FAM228B: variants seen among roughly 807,000 people sequenced by gnomAD.
FAM228B encodes family with sequence similarity 228 member B.
Under a neutral mutation model 42.6 loss-of-function variants are expected in FAM228B, and 38 were observed. The ratio of observed to expected loss-of-function variants is 0.89; its 90% confidence interval spans 0.69 to 1.17. FAM228B has a LOEUF of 1.17. FAM228B is among the 50% of genes most tolerant of loss of function. The pLI, the probability that FAM228B is intolerant of heterozygous loss-of-function variation, is 0.00. For synonymous variants in FAM228B, 109 were observed against 122.3 expected (o/e 0.89, Z 0.72); for missense variants, 344 against 367.3 (o/e 0.94, Z 0.52).
chr2:24,116,706 T>G (rs534247851), intron 3 of FAM228B, among the ~76,000 whole-genome samples: 34 of 151,616 alleles, frequency 2.2e-4, no homozygotes, highest in Non-Finnish European at 4.3e-4. Flanking sequence ...AATACAAACA[T>G]TAGCCTGTGT....
chr2:24,115,604 G>A (rs748648855), intron 3 of FAM228B: 1 of 1,611,456 alleles, frequency 6.2e-7, no homozygotes, highest in Non-Finnish European at 8.5e-7. Flanking sequence ...TTTTTCTTAG[G>A]TAGTCTCCTG....
intron 7 of FAM228B, among the ~76,000 whole-genome samples, chr2:24,157,480 A>G (rs764277556): frequency 1.3e-5 from 2 of 151,926 alleles, no homozygotes; most frequent in African/African-American, 4.8e-5. Flanking sequence ...GCTCACATCT[A>G]TAATCCCAGC....
At chr2:24,088,873 G>T (rs1475155963) in intron 2 of FAM228B, among the ~76,000 whole-genome samples, 2 of 152,154 alleles carry the variant, frequency 1.3e-5, no homozygotes, top group Non-Finnish European at 2.9e-5. Context: ...CTAACTCCAG[G>T]TAGAGAGTGT....
At chr2:24,119,954 AT>A (rs1295908200), upstream of FAM228B, among the ~76,000 whole-genome samples, 2 of 152,160 alleles carry the variant, frequency 1.3e-5, no homozygotes, top group African/African-American at 4.8e-5. Context: ...ATTGATTATC[AT>A]ATACCCCATC....
intron 2 of FAM228B, among the ~76,000 whole-genome samples, 155 bp from the exon 3 acceptor site, chr2:24,134,964 C>CA (rs947850916): frequency 1.3e-5 from 2 of 151,708 alleles, no homozygotes; most frequent in East Asian, 1.9e-4. Flanking sequence ...AAGAAACAAA[C>CA]AAAAAAAAGC....
rs770084965 is a variant in FAM228B at position 24,083,068 on chromosome 2, C to A, written c.-210+2113C>A. The A allele has an allele frequency of 8.1e-6, 13 of 1,614,168 alleles. No individual in the cohort carries two copies. The East Asian group carries it at 2.7e-4, about 33-fold the overall frequency. On this transcript the variant is annotated intron_variant, in intron 2 of 10. Coordinates refer to the FAM228B transcript ENST00000613899. ...CCGATCTTCCAGTGTCCCTGGCAGCCAGGCCCCAGCTCTGCCACATGTCCA... is the reference window on the plus strand; with the variant it reads ...CCGATCTTCCAGTGTCCCTGGCAGCAAGGCCCCAGCTCTGCCACATGTCCA...
chr2:24,119,325 G>T (rs1238897961), upstream of FAM228B, among the ~76,000 whole-genome samples: 1 of 152,164 alleles, frequency 6.6e-6, no homozygotes, highest in Non-Finnish European at 1.5e-5. Context: ...GAAACAGTTT[G>T]CTATGAGACA....
intron 2 of FAM228B, among the ~76,000 whole-genome samples, chr2:24,082,618 G>A (rs1051200342): frequency 3.3e-5 from 5 of 152,194 alleles, no homozygotes; most frequent in Non-Finnish European, 5.9e-5. Flanking sequence ...GAGAAGCTCA[G>A]TATGATTCTA....
chr2:24,106,999 G>A (rs1390311286), intron 3 of FAM228B, among the ~76,000 whole-genome samples: 4 of 152,048 alleles, frequency 2.6e-5, no homozygotes, highest in Non-Finnish European at 4.4e-5. Context: ...GGATAAAAAA[G>A]CAAGACCCAA....
In FAM228B at chr2:24,084,522, GC is replaced by G; in HGVS notation, c.-210+3571del. 1.4e-6 allele frequency: 1 copy of G among 701,846 alleles called. No homozygotes were observed. Among genetic ancestry groups the G allele is most frequent in the Non-Finnish European group, 2.2e-6 (1 of 462,508 alleles). The allele number at this position is 701,846 out of a possible 1,614,324, so 43.5% of individuals were successfully genotyped here. On this transcript the variant is annotated intron_variant, in intron 2 of 10. Transcript: ENST00000613899. The surrounding 1 kb of genome is among the most constrained non-coding windows in gnomAD (Gnocchi z 8.4). ...CTGGTCTGCCGCGGACCCGGCCTCC[GC>G]CCCGAGCTCCTGCCTGGGAAGTCCT... is the stretch of plus-strand genomic sequence containing the variant.
intron 2 of FAM228B, among the ~76,000 whole-genome samples, chr2:24,133,015 T>G (rs752044132): frequency 6.6e-6 from 1 of 152,210 alleles, no homozygotes; most frequent in African/African-American, 2.4e-5. Flanking sequence ...TTTTCCAGTA[T>G]TTTTCCTCTC....
chr2:24,135,918 C>T (rs1482454974), intron 3 of FAM228B, among the ~76,000 whole-genome samples: 1 of 148,804 alleles, frequency 6.7e-6, no homozygotes, highest in African/African-American at 2.5e-5. Context: ...GGTTATGCCA[C>T]ACTTCTGCCT....
intron 3 of FAM228B, among the ~76,000 whole-genome samples, chr2:24,106,894 T>TAAC (rs35822933): frequency 1 from 152,091 of 152,238 alleles, 75,972 homozygotes; most frequent in Middle Eastern, 1. Flanking sequence ...AATAACCAGC[T>TAAC]AACATGATGA....
intron 7 of FAM228B, among the ~76,000 whole-genome samples, chr2:24,151,295 T>C (rs1211875496): frequency 2.7e-5 from 4 of 150,812 alleles, no homozygotes; most frequent in Non-Finnish European, 5.9e-5. Context: ...TGTTTTTTGT[T>C]TTTTTTTTTG....
chr2:24,129,654 T>G (rs766470863), intron 2 of FAM228B, among the ~76,000 whole-genome samples: 2 of 152,188 alleles, frequency 1.3e-5, no homozygotes, highest in Non-Finnish European at 2.9e-5. Context: ...ATTTAAGAAC[T>G]GTATTTTCCA....
Position 24,080,642 on chromosome 2 carries a change from A to T in FAM228B, c.-289-234A>T. The T allele has an allele frequency of 1.4e-6, 1 of 706,556 alleles. No individual in the cohort carries two copies. Among genetic ancestry groups the T allele is most frequent in the South Asian group, 1.8e-5 (1 of 57,118 alleles). The allele number at this position is 706,556 out of a possible 1,614,324, so 43.8% of individuals were successfully genotyped here. ...TGCACATGGAAACCATCTTAGATTT[A>T]AATATGACTGCCTGTCTCCAGTGGT... On this transcript the variant is annotated intron_variant, in intron 1 of 10. Coordinates refer to the FAM228B transcript ENST00000613899. The surrounding 1 kb of genome is among the most constrained non-coding windows in gnomAD (Gnocchi z 4.7).
chr2:24,104,803 T>C (rs758372844), intron 3 of FAM228B, among the ~76,000 whole-genome samples: 24 of 150,398 alleles, frequency 1.6e-4, no homozygotes, highest in Middle Eastern at 3.5e-3. Context: ...CACATGACCA[T>C]ACCCACCCTT....
chr2:24,139,343 G>C, intron 4 of FAM228B, 27 bp from the exon 5 acceptor site: 1 of 1,359,984 alleles, frequency 7.4e-7, no homozygotes, highest in Non-Finnish European at 1.0e-6. Flanking sequence ...TCTTGTTCTT[G>C]TGTATCGTTT....
chr2:24,102,378 T>C (rs1021423618), intron 3 of FAM228B, among the ~76,000 whole-genome samples: 3 of 152,212 alleles, frequency 2.0e-5, no homozygotes, highest in Admixed American at 6.5e-5. Context: ...GAAGTAAAAA[T>C]GTTAATTTTA....
Sources: gnomAD v4.1 joint callset for allele counts (sites outside exome capture counted in the v4.1 genomes callset) on GRCh38, gnomAD v4.1.1 for gene constraint, Gnocchi (gnomAD v3.1) non-coding constraint, MANE v1.5 for transcripts, NCBI Gene and HGNC (gene_info 2026-07-23, HGNC 2026-07-21) for gene names.